SIPA1L3: variants seen among roughly 807,000 people sequenced by gnomAD.
The protein encoded by SIPA1L3 is signal induced proliferation associated 1 like 3.
SIPA1L3 carries 59 observed loss-of-function variants against 150.1 expected under a neutral mutation model. The ratio of observed to expected loss-of-function variants is 0.39; its 90% CI spans 0.32 to 0.49. SIPA1L3 has a LOEUF of 0.49. Ranked by LOEUF, SIPA1L3 falls within the 20% of genes least tolerant of loss-of-function variation. SIPA1L3 has a pLI of 0.86. For synonymous variants in SIPA1L3, 1,070 were observed against 1,077.6 expected (o/e 0.99, Z 0.14); for missense variants, 2,211 against 2,489.5 (o/e 0.89, Z 2.38).
intron 4 of SIPA1L3, among the ~76,000 whole-genome samples, chr19:38,098,705 C>T (rs925989660): frequency 1.3e-5 from 2 of 152,142 alleles, no homozygotes; most frequent in Admixed American, 1.3e-4. Flanking sequence ...AAGTCCTCAC[C>T]AAGCACAATT....
At chr19:38,105,010 G>A (rs1394049690) in intron 6 of SIPA1L3, among the ~76,000 whole-genome samples, 1 of 152,080 alleles carries the variant, frequency 6.6e-6, no homozygotes, top group African/African-American at 2.4e-5. Flanking sequence ...GGCACTGGCA[G>A]CTGTGGCCTC....
chr19:38,075,988 A>T (rs1007064850), intron 2 of SIPA1L3, among the ~76,000 whole-genome samples: 11 of 151,984 alleles, frequency 7.2e-5, no homozygotes, highest in Admixed American at 5.9e-4. Context: ...AAATACAAAA[A>T]ATATTAGCTG....
intron 10 of SIPA1L3, among the ~76,000 whole-genome samples, chr19:38,136,182 T>TAAAAA (rs1278104632): frequency 4.1e-5 from 1 of 24,494 alleles, no homozygotes; most frequent in Admixed American, 6.9e-4. Flanking sequence ...TGAGACTGTC[T>TAAAAA]CAAAAAAAAA....
At chr19:38,178,576 T>C (rs551407943) in intron 15 of SIPA1L3, among the ~76,000 whole-genome samples, 31 of 152,210 alleles carry the variant, frequency 2.0e-4, no homozygotes, top group African/African-American at 1.7e-4. Context: ...CCCAGATTCA[T>C]GCCATTCTCC....
intron 19 of SIPA1L3, 115 bp downstream of exon 19, chr19:38,198,647 A>G: frequency 9.1e-7 from 1 of 1,100,440 alleles, no homozygotes; most frequent in Non-Finnish European, 1.2e-6. Context: ...AGAATCAGGG[A>G]GCAGGGTTCA....
At chr19:38,200,177 A>T (rs1245776466) in intron 19 of SIPA1L3, 1 of 152,174 alleles carries the variant, frequency 6.6e-6, no homozygotes, top group East Asian at 1.9e-4. Flanking sequence ...GGTTCAAGCA[A>T]TTCTCCTGCC....
chr19:37,936,435 G>C (rs1444968769), intron 1 of SIPA1L3, among the ~76,000 whole-genome samples: 1 of 152,242 alleles, frequency 6.6e-6, no homozygotes, highest in Non-Finnish European at 1.5e-5. Context: ...GACTGTAAGA[G>C]TGTGCAGGAT....
chr19:38,041,109 CTT>C (rs11419928), intron 2 of SIPA1L3, among the ~76,000 whole-genome samples: 5 of 130,056 alleles, frequency 3.8e-5, no homozygotes, highest in Admixed American at 8.2e-5. Context: ...ATTATTATTA[CTT>C]TTTTTTTTTT....
At chr19:37,983,905 C>CAAAAAAAA (rs397859822) in intron 1 of SIPA1L3, among the ~76,000 whole-genome samples, 1 of 75,854 alleles carries the variant, frequency 1.3e-5, no homozygotes, top group Non-Finnish European at 2.6e-5. Flanking sequence ...GACCCCATCT[C>CAAAAAAAA]AAAAAAAAAA....
intron 1 of SIPA1L3, among the ~76,000 whole-genome samples, chr19:38,021,868 A>T (rs1968379967): frequency 3.3e-5 from 5 of 152,194 alleles, no homozygotes. Context: ...CCTTTTTGTG[A>T]GGAGAGGGGA....
intron 1 of SIPA1L3, among the ~76,000 whole-genome samples, chr19:38,023,330 G>T (rs1045871522): frequency 6.6e-6 from 1 of 152,224 alleles, no homozygotes; most frequent in Non-Finnish European, 1.5e-5. Context: ...CGTGTTTGTA[G>T]ACCGCATCAA....
chr19:38,203,048 A>G (rs1193904787), intron 20 of SIPA1L3, among the ~76,000 whole-genome samples: 2 of 152,204 alleles, frequency 1.3e-5, no homozygotes, highest in African/African-American at 4.8e-5. Context: ...TCAGGGTTCT[A>G]TATACAACCA....
In SIPA1L3 at chr19:38,088,005, CAAAAAGAAAA is replaced by C. The variant is rs369227791; in HGVS notation, c.1535-702_1535-693del. 4.4e-3 allele frequency among the ~76,000 whole-genome samples: 660 copies of C among 150,708 alleles called. 1 individual carries two copies. Among genetic ancestry groups the C allele is most frequent in the African/African-American group, 0.015 (627 of 41,032 alleles). ...TGCCCTCCAGTCTGGACAACAGTCT[CAAAAAGAAAA>C]AAAAAGAAAAAAAGCAGTGTTGAAG... On this transcript the variant is annotated intron_variant, in intron 3 of 21. Coordinates refer to ENST00000222345, the MANE Select transcript of SIPA1L3 (RefSeq NM_015073.3).
intron 1 of SIPA1L3, among the ~76,000 whole-genome samples, chr19:37,958,497 A>G (rs2046829984): frequency 6.6e-6 from 1 of 152,238 alleles, no homozygotes; most frequent in Admixed American, 6.5e-5. Flanking sequence ...ACCTCACACC[A>G]TATACAAAAA....
chr19:38,093,020 C>T (rs983627809), intron 4 of SIPA1L3, among the ~76,000 whole-genome samples: 3 of 151,936 alleles, frequency 2.0e-5, no homozygotes, highest in Non-Finnish European at 2.9e-5. Flanking sequence ...CTACCACACC[C>T]TGCTAATTTT....
At chr19:38,044,262 G>A (rs899205869) in intron 2 of SIPA1L3, among the ~76,000 whole-genome samples, 1 of 152,212 alleles carries the variant, frequency 6.6e-6, no homozygotes, top group African/African-American at 2.4e-5. Flanking sequence ...TCAGACAGCT[G>A]CGTGAGATGG....
chr19:38,086,104 T>A (rs1045592815), intron 3 of SIPA1L3, among the ~76,000 whole-genome samples: 1 of 152,136 alleles, frequency 6.6e-6, no homozygotes, highest in African/African-American at 2.4e-5. Context: ...CAGAATCTAG[T>A]AGCTGAAAAA....
chr19:38,141,312 ACT>A lies in SIPA1L3; in HGVS notation c.3277_3278del (p.Leu1093ThrfsTer97). On this transcript the variant is annotated frameshift_variant, in exon 11 of 22. Transcript: ENST00000222345. LOFTEE classifies it high-confidence loss of function. ...CAGTGGAGCGGGCCCGCATCCCATA[ACT>A]CTCTACCAGCCTCCAAGTGGGCCAC... is the stretch of plus-strand genomic sequence containing the variant. 2 of 1,612,908 alleles carry A rather than the reference ACT, an allele frequency of 1.2e-6. No individual in the cohort carries two copies. The highest frequency in any genetic ancestry group is 1.7e-6 in the Non-Finnish European group (2 of 1,179,630).
rs1970199840 is a variant in SIPA1L3 at position 38,088,864 on chromosome 19, A to C, written c.1665+13A>C. On this transcript the variant is annotated intron_variant, in intron 4 of 21. Transcript: ENST00000222345. ...CCGGACCCGCGAGGTAGGTCCCATC[A>C]CTCTCGTTCTTATTAAAGAAATCAT... 1.2e-6 allele frequency: 2 copies of C among 1,611,328 alleles called. No homozygotes were observed. Among genetic ancestry groups the C allele is most frequent in the Admixed American group, 1.7e-5 (1 of 59,822 alleles).
Sources: gnomAD v4.1 joint callset for allele counts (sites outside exome capture counted in the v4.1 genomes callset) on GRCh38, gnomAD v4.1.1 for gene constraint, MANE v1.5 for transcripts, NCBI Gene and HGNC (gene_info 2026-07-23, HGNC 2026-07-21) for gene names.